The following MAMLD1 variants were observed in gnomAD, a reference collection of about 807,000 sequenced individuals.
MAMLD1 encodes mastermind-like domain-containing protein 1.
A neutral mutation model predicts 45.0 loss-of-function variants in MAMLD1; 14 were observed. The observed-to-expected ratio is 0.31, with a 90% confidence interval of 0.21 to 0.49. MAMLD1 has a LOEUF of 0.49. Ranked by LOEUF, MAMLD1 falls within the 20% of genes least tolerant of loss-of-function variation. The pLI, the probability that MAMLD1 is intolerant of heterozygous loss-of-function variation, is 0.99. For missense variants in MAMLD1, 543 were observed against 603.6 expected (o/e 0.90, Z 1.05); for synonymous variants, 254 against 247.8 (o/e 1.02, Z -0.24).
At chrX:150,486,104 C>T (rs2036976378) in intron 5 of MAMLD1, among the ~76,000 whole-genome samples, 1 of 111,895 alleles carries the variant, frequency 8.9e-6, no homozygotes, top group Admixed American at 9.4e-5. Flanking sequence ...GTTGGGTGGA[C>T]TTCAGGGTTG....
At chrX:150,460,653 C>G (rs1379741937) in intron 2 of MAMLD1, among the ~76,000 whole-genome samples, 1 of 111,680 alleles carries the variant, frequency 9.0e-6, no homozygotes, top group Non-Finnish European at 1.9e-5. Context: ...TTCACACAGT[C>G]CCAATCAGAA....
At chrX:150,417,156 C>T (rs1201792375) in intron 1 of MAMLD1, among the ~76,000 whole-genome samples, 2 of 110,251 alleles carry the variant, frequency 1.8e-5, no homozygotes, top group Non-Finnish European at 3.8e-5. Context: ...GCTATCCCTC[C>T]CCCCTACCCC....
upstream of MAMLD1, chrX:150,362,679 G>A (rs1455020745): frequency 3.6e-5 from 4 of 111,998 alleles, no homozygotes; most frequent in Admixed American, 1.9e-4. Context: ...CGGCTCACCA[G>A]CTCGTTTTCC....
At chrX:150,391,881 G>A (rs1298650606) in intron 1 of MAMLD1, among the ~76,000 whole-genome samples, 3 of 111,896 alleles carry the variant, frequency 2.7e-5, no homozygotes, top group Non-Finnish European at 5.6e-5. Flanking sequence ...TAAGGGCCAG[G>A]TGGACATATT....
chrX:150,420,713 G>C (rs1290354873), intron 1 of MAMLD1, among the ~76,000 whole-genome samples: 1 of 112,619 alleles, frequency 8.9e-6, no homozygotes, highest in Non-Finnish European at 1.9e-5. Context: ...AGGTGTCAGT[G>C]TGCCCCTGCT....
chrX:150,448,263 C>T (rs138494405), intron 2 of MAMLD1, among the ~76,000 whole-genome samples: 49 of 111,990 alleles, frequency 4.4e-4, no homozygotes, highest in African/African-American at 1.6e-3. Context: ...TCAGCATTGA[C>T]TAGGTGCTAG....
intron 5 of MAMLD1, among the ~76,000 whole-genome samples, chrX:150,476,109 AC>A (rs1245652084): frequency 8.9e-6 from 1 of 111,904 alleles, no homozygotes; most frequent in East Asian, 2.8e-4. Flanking sequence ...ACTTTAAATT[AC>A]AGATAAGGGA....
intron 1 of MAMLD1, among the ~76,000 whole-genome samples, chrX:150,439,709 C>A (rs1395103714): frequency 1.3e-4 from 14 of 111,466 alleles, no homozygotes; most frequent in African/African-American, 3.9e-4. Flanking sequence ...CTGAGGCTAG[C>A]GAATCACTTG....
rs1228833119 is a variant in MAMLD1 at position 150,471,036 on chromosome X, ATCT to A, written c.1467_1469del (p.Leu490del). The A allele has an allele frequency of 3.3e-6, 4 of 1,209,988 alleles. No individual in the cohort carries two copies. The highest frequency in any genetic ancestry group is 2.2e-5 in the Admixed American group (1 of 45,768). On this transcript the variant is annotated inframe_deletion, in exon 4 of 8. Coordinates refer to ENST00000370401, the MANE Select transcript of MAMLD1 (RefSeq NM_005491.5). Reference sequence around the variant, plus strand: ...ATCCGAAGCCTCACTCCCACCAGTAATCTTCTAAGCCAGCAACAGCAGCAGCAG... The same window carrying A: ...ATCCGAAGCCTCACTCCCACCAGTAATCTAAGCCAGCAACAGCAGCAGCAG...
At position 150,470,645 on chromosome X, in the gene MAMLD1, C is replaced by A; in HGVS notation, c.1072C>A (p.Pro358Thr). ...ACCGCTGCCACTGCCACCACCACCA[C>A]CCCCATTCAGCCCCCAGAGCCTCAT... ...PPPLPLPPPP[P>T]PFSPQSLMVS... The change falls in exon 4 of 8, where the codon CCC becomes ACC. Residue 358 changes from proline (P) to threonine (T), a missense_variant. Physicochemically the swap from Pro to Thr is conservative, Grantham distance 38. Transcript: ENST00000370401. 1 of 1,212,001 alleles carries A rather than the reference C, an allele frequency of 8.3e-7. No individual in the cohort carries two copies. Among genetic ancestry groups the A allele is most frequent in the Non-Finnish European group, 1.1e-6 (1 of 895,509 alleles).
rs183138176 is a variant in MAMLD1 at position 150,455,489 on chromosome X, G to A, written c.97-7283G>A. Among the ~76,000 whole-genome samples, 16 of 110,707 alleles carry A rather than the reference G, an allele frequency of 1.4e-4. No homozygotes were observed. In the East Asian group the frequency reaches 4.0e-3, roughly 27 times the overall value. On this transcript the variant is annotated intron_variant, in intron 2 of 7. Coordinates refer to ENST00000370401, the MANE Select transcript of MAMLD1 (RefSeq NM_005491.5). ...GTTTGCATTTTCAAGAGTAGAAGGAGAGATCATATTTATTTGGTATCTACA... is the reference window on the plus strand; with the variant it reads ...GTTTGCATTTTCAAGAGTAGAAGGAAAGATCATATTTATTTGGTATCTACA...
chrX:150,469,073 A>G (rs1048131413), intron 3 of MAMLD1, among the ~76,000 whole-genome samples: 2 of 111,001 alleles, frequency 1.8e-5, no homozygotes, highest in Non-Finnish European at 3.8e-5. Context: ...TTTCCCAAAA[A>G]CAGTATTTTA....
chrX:150,492,559 A>C (rs1274843051), intron 5 of MAMLD1, among the ~76,000 whole-genome samples: 1 of 111,844 alleles, frequency 8.9e-6, no homozygotes, highest in Non-Finnish European at 1.9e-5. Flanking sequence ...AGTCACAACA[A>C]GGTGCCCTGG....
chrX:150,369,832 C>T (rs1603204802), intron 1 of MAMLD1, among the ~76,000 whole-genome samples: 2 of 95,886 alleles, frequency 2.1e-5, no homozygotes, highest in South Asian at 6.0e-4. Flanking sequence ...CTTTTCTTTT[C>T]TTCCTAATCC....
intron 2 of MAMLD1, among the ~76,000 whole-genome samples, chrX:150,462,368 A>C (rs1462460790): frequency 8.9e-6 from 1 of 111,744 alleles, no homozygotes; most frequent in African/African-American, 3.3e-5. Context: ...TGGGACCCAA[A>C]CCAACCCTCT....
chrX:150,442,321 A>T (rs1023055841), intron 1 of MAMLD1, among the ~76,000 whole-genome samples: 1 of 110,436 alleles, frequency 9.1e-6, no homozygotes, highest in East Asian at 2.8e-4. Context: ...CTGCCAATTT[A>T]TTTTTGTTTT....
At chrX:150,494,010 T>C (rs1349982872) in intron 5 of MAMLD1, among the ~76,000 whole-genome samples, 7 of 112,105 alleles carry the variant, frequency 6.2e-5, no homozygotes, top group Non-Finnish European at 1.3e-4. Context: ...ACATTACTGG[T>C]ATCAAGTTGT....
At chrX:150,394,226 C>T (rs1462382787) in intron 1 of MAMLD1, among the ~76,000 whole-genome samples, 3 of 89,389 alleles carry the variant, frequency 3.4e-5, no homozygotes, top group African/African-American at 1.3e-4. Context: ...ACTGCCTTTG[C>T]TCCTTTGTCA....
chrX:150,504,393 T>G, intron 6 of MAMLD1: 1 of 754,470 alleles, frequency 1.3e-6, no homozygotes, highest in Non-Finnish European at 1.6e-6. Context: ...GATTCTGGCC[T>G]TTAATGGAAA....
Sources: gnomAD v4.1 joint callset for allele counts (sites outside exome capture counted in the v4.1 genomes callset) on GRCh38, gnomAD v4.1.1 for gene constraint, MANE v1.5 for transcripts, NCBI Gene and HGNC (gene_info 2026-07-23, HGNC 2026-07-21) for gene names.